The following NR6A1 variants were observed in gnomAD, a reference collection of about 807,000 sequenced individuals.
The protein encoded by NR6A1 is nuclear receptor subfamily 6 group A member 1, also known as retinoic acid receptor-related testis-associated receptor.
In NR6A1, 7 loss-of-function variants were observed where a neutral mutation model predicts 59.1. The ratio of observed to expected loss-of-function variants is 0.12; its 90% CI spans 0.07 to 0.22. NR6A1 has a LOEUF of 0.22. Among genes scored for constraint, NR6A1 ranks in the 10% least tolerant of loss-of-function variants. NR6A1 has a pLI of 1.00. For missense variants in NR6A1, 468 were observed against 611.6 expected (o/e 0.77, Z 2.48); for synonymous variants, 243 against 236.1 (o/e 1.03, Z -0.27).
intron 2 of NR6A1, among the ~76,000 whole-genome samples, chr9:124,659,079 A>G (rs1780849993): frequency 6.6e-6 from 1 of 152,260 alleles, no homozygotes; most frequent in African/African-American, 2.4e-5. Context: ...AGAATTTAGA[A>G]AAGTTTGAAG....
chr9:124,565,647 C>G (rs925252238), intron 2 of NR6A1, among the ~76,000 whole-genome samples: 3 of 151,950 alleles, frequency 2.0e-5, no homozygotes, highest in African/African-American at 4.8e-5. Context: ...AAAAGGCAAC[C>G]CAGTAGAAAA....
intron 2 of NR6A1, among the ~76,000 whole-genome samples, chr9:124,558,903 C>T (rs1355172033): frequency 6.6e-6 from 1 of 152,176 alleles, no homozygotes; most frequent in African/African-American, 2.4e-5. Context: ...AAGCAAATGC[C>T]CCTAATCGTG....
intron 2 of NR6A1, among the ~76,000 whole-genome samples, chr9:124,693,247 T>C (rs759392709): frequency 5.9e-5 from 9 of 152,168 alleles, no homozygotes; most frequent in Non-Finnish European, 1.3e-4. Context: ...AGAGTACCTA[T>C]CATGGAGTTT....
At chr9:124,577,584 G>A (rs1331079782) in intron 2 of NR6A1, among the ~76,000 whole-genome samples, 2 of 152,192 alleles carry the variant, frequency 1.3e-5, no homozygotes, top group Non-Finnish European at 2.9e-5. Context: ...GAGAAACTGA[G>A]TCCAGAAAAG....
intron 2 of NR6A1, among the ~76,000 whole-genome samples, chr9:124,654,297 C>A (rs892448122): frequency 6.6e-6 from 1 of 152,080 alleles, no homozygotes; most frequent in African/African-American, 2.4e-5. Context: ...GAACAAGTTA[C>A]CATTCTGCTT....
chr9:124,573,742 C>T (rs558847715), intron 2 of NR6A1, among the ~76,000 whole-genome samples: 1 of 152,296 alleles, frequency 6.6e-6, no homozygotes, highest in South Asian at 2.1e-4. Context: ...AGTAAACTAA[C>T]ATACATATAC....
At chr9:124,594,559 G>A (rs1031690111) in intron 2 of NR6A1, among the ~76,000 whole-genome samples, 1 of 152,152 alleles carries the variant, frequency 6.6e-6, no homozygotes, top group Non-Finnish European at 1.5e-5. Context: ...AGTATATCCA[G>A]GATAGTTTAA....
chr9:124,603,565 T>C (rs778776175), intron 2 of NR6A1, among the ~76,000 whole-genome samples: 3 of 152,172 alleles, frequency 2.0e-5, no homozygotes, highest in Non-Finnish European at 4.4e-5. Context: ...ATTTGCTGGG[T>C]TCCTGCATCA....
chr9:124,666,288 T>C (rs1344731271), intron 2 of NR6A1, among the ~76,000 whole-genome samples: 3 of 148,116 alleles, frequency 2.0e-5, no homozygotes, highest in Non-Finnish European at 4.5e-5. Flanking sequence ...TTTTTTTTTT[T>C]TTTTTTTTGA....
At chr9:124,665,020 A>C (rs1410826049) in intron 2 of NR6A1, among the ~76,000 whole-genome samples, 21 of 150,520 alleles carry the variant, frequency 1.4e-4, no homozygotes, top group East Asian at 1.2e-3. Flanking sequence ...CAAAAAAAAA[A>C]AAAAAAAAAA....
chr9:124,685,318 C>T (rs1838297559), intron 2 of NR6A1, among the ~76,000 whole-genome samples: 1 of 152,172 alleles, frequency 6.6e-6, no homozygotes, highest in Non-Finnish European at 1.5e-5. Flanking sequence ...CCCATCGCTA[C>T]CACTTTTTCT....
chr9:124,539,991 G>A (rs1310673852), intron 5 of NR6A1, 42 bp downstream of exon 5: 1 of 1,556,424 alleles, frequency 6.4e-7, no homozygotes, highest in Non-Finnish European at 8.7e-7. Context: ...CCTTTGGTGG[G>A]GGATCCCTAG....
intron 2 of NR6A1, among the ~76,000 whole-genome samples, chr9:124,647,264 T>C (rs1187443480): frequency 6.6e-6 from 1 of 151,052 alleles, no homozygotes; most frequent in African/African-American, 2.4e-5. Flanking sequence ...TTAGCTAGAC[T>C]AAGAAAAAAA....
chr9:124,605,676 G>C (rs1216046407), intron 2 of NR6A1, among the ~76,000 whole-genome samples: 1 of 152,188 alleles, frequency 6.6e-6, no homozygotes, highest in Non-Finnish European at 1.5e-5. Context: ...ATGAAATAAT[G>C]ATACTTAAGA....
chr9:124,636,725 G>A (rs1030335950), intron 2 of NR6A1, among the ~76,000 whole-genome samples: 3 of 152,140 alleles, frequency 2.0e-5, no homozygotes, highest in African/African-American at 7.2e-5. Flanking sequence ...TCAGTTGACG[G>A]CATTTACAAG....
chr9:124,663,076 T>C (rs1243983861), intron 2 of NR6A1, among the ~76,000 whole-genome samples: 1 of 152,228 alleles, frequency 6.6e-6, no homozygotes, highest in African/African-American at 2.4e-5. Flanking sequence ...AGGTCTTTTT[T>C]CCAAGAAACA....
intron 2 of NR6A1, among the ~76,000 whole-genome samples, chr9:124,649,405 G>C (rs754824948): frequency 6.6e-6 from 1 of 152,086 alleles, no homozygotes; most frequent in African/African-American, 2.4e-5. Context: ...ATGTCCATAT[G>C]CAGAAGAAAG....
intron 2 of NR6A1, among the ~76,000 whole-genome samples, chr9:124,620,809 TA>T (rs796981815): frequency 0.048 from 6,671 of 140,062 alleles, 251 homozygotes; most frequent in African/African-American, 0.11. Flanking sequence ...TCTCATTGTT[TA>T]AAAAAAAAAA....
At chr9:124,733,892 G>A (rs772635767) in intron 1 of NR6A1, among the ~76,000 whole-genome samples, 7 of 152,080 alleles carry the variant, frequency 4.6e-5, no homozygotes, top group Non-Finnish European at 8.8e-5. Context: ...ATGCTATTCA[G>A]GTTGGAATAA....
Sources: gnomAD v4.1 joint callset for allele counts (sites outside exome capture counted in the v4.1 genomes callset) on GRCh38, gnomAD v4.1.1 for gene constraint, MANE v1.5 for transcripts, NCBI Gene and HGNC (gene_info 2026-07-23, HGNC 2026-07-21) for gene names.